Variants in ECT2 observed in about 807,000 individuals in gnomAD.
The protein encoded by ECT2 is protein ECT2.
ECT2 carries 61 observed loss-of-function variants against 116.9 expected under a neutral mutation model. That is an observed-to-expected ratio of 0.52 (90% confidence interval 0.42 to 0.65). The LOEUF (loss-of-function observed/expected upper bound fraction) is 0.65. Among genes scored for constraint, ECT2 ranks in the 30% least tolerant of loss-of-function variants. The pLI is 0.00. For missense variants in ECT2, 937 were observed against 1,078.7 expected (o/e 0.87, Z 1.84); for synonymous variants, 358 against 346.4 (o/e 1.03, Z -0.37).
chr3:172,755,664 G>T lies in ECT2; in HGVS notation c.303+89G>T, dbSNP rs1287447529. 1.5e-5 allele frequency: 10 copies of T among 645,522 alleles called. No homozygotes were observed. The South Asian group carries it at 2.3e-4, about 15-fold the overall frequency. The allele number at this position is 645,522 out of a possible 1,614,324, so 40.0% of individuals were successfully genotyped here. A position where few individuals can be genotyped will look rare whatever the true frequency, so the allele number is the denominator to read the frequency against. On this transcript the variant is annotated intron_variant, in intron 4 of 24. Transcript: ENST00000392692. ...TCTGGTGATTGGAATTAGGCACAAG[G>T]TGTATTGTGTGCAATCTGAAGCTTA... is the stretch of plus-strand genomic sequence containing the variant.
intron 1 of ECT2, chr3:172,752,192 C>G (rs1308539351): frequency 6.6e-6 from 1 of 151,392 alleles, no homozygotes; most frequent in Non-Finnish European, 1.5e-5. Context: ...TGCAGTGGCA[C>G]GATCTCGGCT....
At position 172,807,639 on chromosome 3, in the gene ECT2, A is replaced by G. The variant is rs1416651977; in HGVS notation, c.2246-131A>G. The G allele has an allele frequency of 3.9e-6, 4 of 1,032,092 alleles. No homozygotes were observed. In the African/African-American group the frequency reaches 6.4e-5, roughly 16 times the overall value. 63.9% of individuals were successfully genotyped at this position (1,032,092 alleles called of 1,614,324 possible). ...TGATGTTCTTTGTCTTATTAAAAAT[A>G]GGACAAGGAAAGTGGAGAAGTGATA... is the stretch of plus-strand genomic sequence containing the variant. On this transcript the variant is annotated intron_variant, in intron 21 of 24. Coordinates refer to ENST00000392692, the MANE Select transcript of ECT2 (RefSeq NM_001258315.2).
chr3:172,765,890 T>C (rs1466792756), intron 12 of ECT2, among the ~76,000 whole-genome samples: 1 of 152,192 alleles, frequency 6.6e-6, no homozygotes, highest in Non-Finnish European at 1.5e-5. Flanking sequence ...CTCAGGACTT[T>C]GTTACTTTCT....
intron 21 of ECT2, among the ~76,000 whole-genome samples, chr3:172,806,908 G>A (rs975634513): frequency 1.3e-5 from 2 of 152,008 alleles, no homozygotes; most frequent in Admixed American, 1.3e-4. Context: ...CTCCCAAAGT[G>A]CTGGGATTAC....
intron 20 of ECT2, among the ~76,000 whole-genome samples, chr3:172,804,408 C>T (rs1727298722): frequency 6.6e-6 from 1 of 152,090 alleles, no homozygotes; most frequent in South Asian, 2.1e-4. Flanking sequence ...TTGACTGTCT[C>T]CTGAAGTGAG....
intron 14 of ECT2, among the ~76,000 whole-genome samples, chr3:172,779,027 C>T (rs1191821877): frequency 6.6e-6 from 1 of 152,182 alleles, no homozygotes; most frequent in Admixed American, 6.5e-5. Flanking sequence ...ATTTATTTTA[C>T]AGGTTTATGA....
At chr3:172,796,232 G>A (rs1034565019) in intron 18 of ECT2, among the ~76,000 whole-genome samples, 1 of 152,162 alleles carries the variant, frequency 6.6e-6, no homozygotes, top group Non-Finnish European at 1.5e-5. Context: ...GTTTATGAAG[G>A]CTGGGCTTTA....
chr3:172,774,051 A>T (rs755283390), intron 14 of ECT2, 29 bp downstream of exon 14: 1 of 1,594,892 alleles, frequency 6.3e-7, no homozygotes. Flanking sequence ...GATTGGTAGT[A>T]ATTTTTTTCA....
chr3:172,795,496 T>C (rs867625785), intron 18 of ECT2, among the ~76,000 whole-genome samples: 8 of 152,332 alleles, frequency 5.3e-5, no homozygotes, highest in Middle Eastern at 3.4e-3. Context: ...ACTAACATTA[T>C]TATTGATTTA....
At chr3:172,766,466 A>C (rs1319391351) in intron 12 of ECT2, among the ~76,000 whole-genome samples, 1 of 152,228 alleles carries the variant, frequency 6.6e-6, no homozygotes, top group African/African-American at 2.4e-5. Flanking sequence ...ATTAGAAGGA[A>C]GGCAGTTTGG....
chr3:172,754,808 A>G (rs1271726361), intron 2 of ECT2, 148 bp downstream of exon 2: 9 of 643,510 alleles, frequency 1.4e-5, no homozygotes, highest in East Asian at 6.0e-5. Context: ...CTTTTACACT[A>G]TGTCATTTTT....
At chr3:172,759,920 T>C (rs528373187) in intron 6 of ECT2, among the ~76,000 whole-genome samples, 2 of 152,322 alleles carry the variant, frequency 1.3e-5, no homozygotes, top group African/African-American at 4.8e-5. Flanking sequence ...GGCGGTTGTT[T>C]AACTTACATT....
At chr3:172,771,001 A>C (rs1232569794) in intron 13 of ECT2, among the ~76,000 whole-genome samples, 1 of 152,184 alleles carries the variant, frequency 6.6e-6, no homozygotes, top group African/African-American at 2.4e-5. Flanking sequence ...TGTGTTGTGC[A>C]TCAGAAAAAG....
rs1258057073 is a variant in ECT2 at position 172,769,147 on chromosome 3, A to G, written c.1428+4A>G. 1.1e-5 allele frequency: 17 copies of G among 1,602,212 alleles called. No individual in the cohort carries two copies. Among genetic ancestry groups the G allele is most frequent in the Non-Finnish European group, 1.4e-5 (17 of 1,173,040 alleles). ...TATATTGGCAACAATTATTCAGGTAAGTATGAGTTTGATTGAAAAATGATT... is the reference window on the plus strand; with the variant it reads ...TATATTGGCAACAATTATTCAGGTAGGTATGAGTTTGATTGAAAAATGATT... On this transcript the variant is annotated splice_donor_region_variant and intron_variant, in intron 13 of 24. Coordinates refer to ENST00000392692, the MANE Select transcript of ECT2 (RefSeq NM_001258315.2).
the ECT2 span, among the ~76,000 whole-genome samples, chr3:172,828,563 TAGTG>T: frequency 6.6e-6 from 1 of 151,172 alleles, no homozygotes; most frequent in African/African-American, 2.4e-5. Context: ...CATTGTAAAA[TAGTG>T]GGTGAAAAAC....
chr3:172,803,215 A>C (rs568481424), intron 20 of ECT2, among the ~76,000 whole-genome samples: 34 of 152,340 alleles, frequency 2.2e-4, no homozygotes, highest in African/African-American at 8.2e-4. Context: ...TAAAATGAAA[A>C]TTTATTTCCA....
intron 22 of ECT2, among the ~76,000 whole-genome samples, chr3:172,811,478 A>C (rs1258399343): frequency 6.6e-6 from 1 of 152,168 alleles, no homozygotes; most frequent in Non-Finnish European, 1.5e-5. Flanking sequence ...GAAAGGTAAA[A>C]AATCTTGTAT....
intron 22 of ECT2, among the ~76,000 whole-genome samples, chr3:172,810,294 A>G (rs182572711): frequency 5.9e-5 from 9 of 152,258 alleles, no homozygotes; most frequent in Admixed American, 5.9e-4. Flanking sequence ...AAATTTTTCA[A>G]AACTTTTCAA....
Position 172,769,080 on chromosome 3 carries a change from A to G in ECT2, c.1365A>G (p.Gln455=). Residue 455 remains glutamine (Q), a synonymous_variant, in exon 13 of 25, where the codon CAA becomes CAG. Transcript: ENST00000392692. ...CTTCAAAGCAGTCAGCAAGGTGGCA[A>G]GTTGCAAAAGAGCTTTATCAAACTG... The part of the protein sequence containing the change: ...PVPSKQSARW[Q]VAKELYQTES... 1 of 1,613,572 alleles carries G rather than the reference A, an allele frequency of 6.2e-7. No individual in the cohort carries two copies. Among genetic ancestry groups the G allele is most frequent in the Non-Finnish European group, 8.5e-7 (1 of 1,179,610 alleles).
Sources: allele counts gnomAD v4.1 joint callset (sites outside exome capture counted in the v4.1 genomes callset), GRCh38; gene constraint gnomAD v4.1.1; transcripts MANE v1.5; gene names NCBI Gene and HGNC (gene_info 2026-07-23, HGNC 2026-07-21).